Variants in BPIFB3 observed in about 807,000 individuals in gnomAD.
The protein encoded by BPIFB3 is BPI fold containing family B member 3, also known as BPI fold-containing family B member 3.
Under a neutral mutation model 53.1 loss-of-function variants are expected in BPIFB3, and 49 were observed. The ratio of observed to expected loss-of-function variants is 0.92; its 90% CI spans 0.73 to 1.17. The LOEUF is 1.17. Among genes scored for constraint, BPIFB3 ranks in the 50% most tolerant of loss-of-function variants. The pLI, the probability that BPIFB3 is intolerant of heterozygous loss-of-function variation, is 0.00. For missense variants in BPIFB3, 628 were observed against 592.5 expected (o/e 1.06, Z -0.62); for synonymous variants, 271 against 269.6 (o/e 1.01, Z -0.05).
chr20:33,064,976 G>C, intron 8 of BPIFB3, 131 bp downstream of exon 9: 2 of 1,002,750 alleles, frequency 2.0e-6, no homozygotes, highest in Non-Finnish European at 2.9e-6. Flanking sequence ...AGTTGAACAA[G>C]TTTAGAGTGT....
At chr20:33,066,603 G>A (rs531700188) in intron 8 of BPIFB3, among the ~76,000 whole-genome samples, 6 of 152,342 alleles carry the variant, frequency 3.9e-5, no homozygotes, top group Admixed American at 3.3e-4. Flanking sequence ...TGTTGTAAAG[G>A]TGAAATGAGC....
exon 4 of BPIFB3, chr20:33,059,921 G>C (rs35242985): frequency 3.7e-6 from 6 of 1,613,962 alleles, no homozygotes; most frequent in East Asian, 2.2e-5. Flanking sequence ...AGCTGGCTGC[G>C]GAGGTGAACG....
chr20:33,068,447 G>A (rs1980751754), intron 9 of BPIFB3, among the ~76,000 whole-genome samples: 1 of 152,210 alleles, frequency 6.6e-6, no homozygotes, highest in African/African-American at 2.4e-5. Context: ...ATCCCTGGCA[G>A]CTGGAGGAGC....
At chr20:33,070,005 G>C (rs1403369546) in intron 11 of BPIFB3, 50 bp downstream of exon 12, 19 of 1,593,662 alleles carry the variant, frequency 1.2e-5, no homozygotes, top group Non-Finnish European at 1.6e-5. Context: ...TTAGGAACAA[G>C]AATTAGGGGC....
At chr20:33,059,865 C>T (rs574426384) in intron 3 of BPIFB3, 26 bp from the exon 5 acceptor site, 9 of 1,610,592 alleles carry the variant, frequency 5.6e-6, no homozygotes, top group African/African-American at 5.3e-5. Flanking sequence ...GCTGCCTGGC[C>T]ACACCCCCAG....
At chr20:33,064,907 C>T in intron 8 of BPIFB3, 62 bp downstream of exon 9, 1 of 1,541,766 alleles carries the variant, frequency 6.5e-7, no homozygotes, top group Admixed American at 1.8e-5. Flanking sequence ...CTTGGCATTA[C>T]TAGTGTTGAC....
chr20:33,069,859 G>A (rs557461239), intron 10 of BPIFB3, 29 bp from the exon 12 acceptor site: 1 of 1,613,730 alleles, frequency 6.2e-7, no homozygotes, highest in Non-Finnish European at 8.5e-7. Context: ...GCCGATTGGG[G>A]GTGACTTCTG....
chr20:33,067,388 A>T (rs554782075), intron 9 of BPIFB3, among the ~76,000 whole-genome samples: 1 of 152,324 alleles, frequency 6.6e-6, no homozygotes, highest in South Asian at 2.1e-4. Context: ...TTCGTACTGA[A>T]GTTAAAATGT....
intron 9 of BPIFB3, among the ~76,000 whole-genome samples, chr20:33,067,543 A>T (rs1980718077): frequency 6.6e-6 from 1 of 152,216 alleles, no homozygotes; most frequent in South Asian, 2.1e-4. Flanking sequence ...GAAGTTGGTG[A>T]TTCAAAGCAG....
In BPIFB3 at chr20:33,056,715, G is replaced by A. The variant is rs761164014; in HGVS notation, c.281+17G>A. 1.5e-5 allele frequency: 23 copies of A among 1,547,044 alleles called. No homozygotes were observed. The highest frequency in any genetic ancestry group is 1.7e-4 in the Middle Eastern group (1 of 5,742). ...GCTCTCTGGGTGAGTCCCACCTGCT[G>A]CATGCCCTACAGGAAGACTTGGCTT... On this transcript the variant is annotated intron_variant, in intron 2 of 14. Coordinates refer to ENST00000375494, the Ensembl canonical transcript of BPIFB3.
At chr20:33,069,021 G>T (rs754707828) in intron 10 of BPIFB3, 48 bp downstream of exon 11, 2 of 1,584,208 alleles carry the variant, frequency 1.3e-6, no homozygotes, top group African/African-American at 2.7e-5. Context: ...GGTTCCAAAT[G>T]GGGGTGACTG....
At chr20:33,066,839 C>T (rs1206716963) in exon 9 of BPIFB3, 1 of 1,614,068 alleles carries the variant, frequency 6.2e-7, no homozygotes. Flanking sequence ...CAGCGATGTC[C>T]CACTGACAAC....
rs147346398 is a variant in BPIFB3 at position 33,055,531 on chromosome 20, G to A, written c.108G>A (p.Lys36=). The A allele has an allele frequency of 4.1e-5, 66 of 1,613,752 alleles. No individual in the cohort carries two copies. In the African/African-American group the frequency reaches 7.7e-4, roughly 19 times the overall value. The change falls in exon 1 of 15, where the codon AAG becomes AAA. Residue 36 remains lysine, a synonymous_variant. Coordinates refer to ENST00000375494, the Ensembl canonical transcript of BPIFB3. ...TGGGCACGCTCGCTCGGATTGACAA[G>A]GATGAACTCGGCAAAGGTGAGCCCC...
At chr20:33,059,644 C>G (rs1360456596) in intron 3 of BPIFB3, among the ~76,000 whole-genome samples, 162 bp downstream of exon 4, 1 of 152,120 alleles carries the variant, frequency 6.6e-6, no homozygotes, top group East Asian at 1.9e-4. Context: ...CTGTTTCCCC[C>G]CTGGATCCTA....
rs1288249795 is a variant in BPIFB3 at position 33,061,994 on chromosome 20, G to A, written c.591+163G>A. On this transcript the variant is annotated intron_variant, in intron 5 of 14. Transcript: ENST00000375494. ...GCCTGCTGACCGGCCTTCCTGGCGC[G>A]CCTGCTAGTCTGGGGGTGGATGACA... 7.9e-5 allele frequency among the ~76,000 whole-genome samples: 12 copies of A among 152,046 alleles called. No homozygotes were observed. In the East Asian group the frequency reaches 9.7e-4, roughly 12 times the overall value.
intron 9 of BPIFB3, among the ~76,000 whole-genome samples, chr20:33,068,524 G>T (rs1160511599): frequency 6.6e-6 from 1 of 152,208 alleles, no homozygotes; most frequent in African/African-American, 2.4e-5. Flanking sequence ...AGGTGAAGTG[G>T]AGAGGCGGGC....
downstream of BPIFB3, chr20:33,073,719 T>C: frequency 3.1e-6 from 4 of 1,287,458 alleles, no homozygotes; most frequent in South Asian, 2.7e-5. Flanking sequence ...AAATGCCCTC[T>C]GGCCCTGAAG....
exon 1 of BPIFB3, chr20:33,055,520 C>G (rs542805953): frequency 6.2e-7 from 1 of 1,613,618 alleles, no homozygotes; most frequent in South Asian, 1.1e-5. Flanking sequence ...CACGCTCGCT[C>G]GGATTGACAA....
At chr20:33,073,668 C>A, downstream of BPIFB3, 3 of 1,577,530 alleles carry the variant, frequency 1.9e-6, no homozygotes, top group Admixed American at 5.1e-5. Context: ...TACTCTGCCT[C>A]AATTTCCCTC....
Sources: gnomAD v4.1 joint callset for allele counts (sites outside exome capture counted in the v4.1 genomes callset) on GRCh38, gnomAD v4.1.1 for gene constraint, MANE v1.5 for transcripts, NCBI Gene and HGNC (gene_info 2026-07-23, HGNC 2026-07-21) for gene names.